Variants in SH2D4A observed in about 807,000 individuals in gnomAD.
The protein encoded by SH2D4A is SH2 domain containing 4A.
Under a neutral mutation model 64.7 loss-of-function variants are expected in SH2D4A, and 70 were observed. That is an observed-to-expected ratio of 1.08 (90% CI 0.89 to 1.32). SH2D4A has a LOEUF of 1.32. Ranked by LOEUF, SH2D4A falls within the 40% of genes most tolerant of loss-of-function variation. SH2D4A has a pLI of 0.00. For missense variants in SH2D4A, 706 were observed against 540.1 expected, an observed-to-expected ratio of 1.31 and a Z score of -3.04; for synonymous variants, 268 against 200.7, an observed-to-expected ratio of 1.34 and a Z score of -2.83.
At chr8:19,371,520 GGTTTGATTATAA>G (rs2053095582) in intron 7 of SH2D4A, among the ~76,000 whole-genome samples, 2 of 152,030 alleles carry the variant, frequency 1.3e-5, no homozygotes, top group African/African-American at 4.8e-5. Flanking sequence ...GCACTCTGAG[GGTTTGATTATAA>G]TATGTCTTGG....
intron 2 of SH2D4A, among the ~76,000 whole-genome samples, chr8:19,322,817 AGCACCT>A (rs2052214679): frequency 1.3e-5 from 2 of 151,632 alleles, no homozygotes; most frequent in African/African-American, 4.8e-5. Context: ...TGGGATTATA[AGCACCT>A]GCTACCATGC....
chr8:19,373,513 A>G lies in SH2D4A; in HGVS notation c.918-17A>G. ...AAATTAGTTAAATCTAACTTGAAAA[A>G]CTTTTATAAATAACAGAAATCAGGG... On this transcript the variant is annotated splice_polypyrimidine_tract_variant and intron_variant, in intron 7 of 9. Transcript: ENST00000265807. The G allele has an allele frequency of 6.4e-7, 1 of 1,560,044 alleles. No individual in the cohort carries two copies. The highest frequency in any genetic ancestry group is 8.7e-7 in the Non-Finnish European group (1 of 1,153,954).
intron 8 of SH2D4A, among the ~76,000 whole-genome samples, chr8:19,383,947 G>A (rs893666241): frequency 1.3e-5 from 2 of 152,174 alleles, no homozygotes; most frequent in Non-Finnish European, 2.9e-5. Flanking sequence ...TTTTTATAAA[G>A]TAAATCAGCT....
intron 4 of SH2D4A, among the ~76,000 whole-genome samples, chr8:19,343,646 G>A (rs2052564320): frequency 6.6e-6 from 1 of 152,186 alleles, no homozygotes; most frequent in Non-Finnish European, 1.5e-5. Context: ...CTACCCAGGG[G>A]CTGCACACTT....
intron 4 of SH2D4A, among the ~76,000 whole-genome samples, chr8:19,353,937 A>G (rs2052749572): frequency 6.6e-6 from 1 of 151,736 alleles, no homozygotes; most frequent in African/African-American, 2.4e-5. Flanking sequence ...TTTTAGACAC[A>G]TTGAATAGAA....
intron 6 of SH2D4A, among the ~76,000 whole-genome samples, chr8:19,361,917 C>G (rs1382732478): frequency 1.3e-5 from 2 of 152,124 alleles, no homozygotes; most frequent in African/African-American, 4.8e-5. Context: ...TGTGACCCAG[C>G]CTTGACTCCT....
chr8:19,332,862 C>G, intron 2 of SH2D4A, 93 bp from the exon 3 acceptor site: 1 of 1,251,816 alleles, frequency 8.0e-7, no homozygotes, highest in South Asian at 1.5e-5. Context: ...TATATATTTT[C>G]AAAGACCCAA....
rs1028629115 is a variant in SH2D4A at position 19,373,537 on chromosome 8, G to A, written c.925G>A (p.Gly309Arg). The A allele has an allele frequency of 1.7e-5, 27 of 1,580,084 alleles. No individual in the cohort carries two copies. The highest frequency in any genetic ancestry group is 2.3e-5 in the Non-Finnish European group (27 of 1,163,340). The change falls in exon 8 of 10, where the codon GGA (glycine) becomes AGA (arginine). Residue 309 changes from glycine (G) to arginine (R), a missense_variant. Coordinates refer to ENST00000265807, the MANE Select transcript of SH2D4A (RefSeq NM_022071.4). ...AYPQKPLRNQ[G>R]VVRTLSSSAQ... ...AACTTTTATAAATAACAGAAATCAG[G>A]GAGTGGTGAGGACACTGTCCAGCTC...
intron 4 of SH2D4A, among the ~76,000 whole-genome samples, chr8:19,350,736 G>C (rs112164813): frequency 4.6e-5 from 7 of 152,242 alleles, no homozygotes; most frequent in African/African-American, 1.4e-4. Flanking sequence ...TTCTGACTGG[G>C]CCTCCCAAAG....
intron 2 of SH2D4A, among the ~76,000 whole-genome samples, chr8:19,330,981 A>T (rs2052357537): frequency 6.6e-6 from 1 of 152,136 alleles, no homozygotes; most frequent in South Asian, 2.1e-4. Context: ...GCATGGTGGG[A>T]TTGACCTTCC....
chr8:19,388,016 C>G (rs112008685), intron 8 of SH2D4A, among the ~76,000 whole-genome samples: 2,743 of 150,496 alleles, frequency 0.018, 95 homozygotes, highest in African/African-American at 0.067. Flanking sequence ...GTCCATGATG[C>G]ACTGTCCCCA....
At position 19,333,042 on chromosome 8, in the gene SH2D4A, A is replaced by T. The variant is rs751560241; in HGVS notation, c.269A>T (p.Tyr90Phe). 2.5e-6 allele frequency: 4 copies of T among 1,614,092 alleles called. No homozygotes were observed. In the South Asian group the frequency reaches 3.3e-5, roughly 13 times the overall value. Reference sequence around the variant, plus strand: ...GGCGAACACCATCTAGATAAACCCTATGATGTGCTCTGTAATGAAATTATT... The same window carrying T: ...GGCGAACACCATCTAGATAAACCCTTTGATGTGCTCTGTAATGAAATTATT... ...VMGEHHLDKP[Y>F]DVLCNEIIAE... The change falls in exon 3 of 10, where the codon TAT becomes TTT. Residue 90 changes from tyrosine (Y) to phenylalanine (F), a missense_variant. By Grantham distance (22) the Tyr-to-Phe change is conservative. Coordinates refer to ENST00000265807, the MANE Select transcript of SH2D4A (RefSeq NM_022071.4).
At chr8:19,325,194 T>A (rs1206199211) in intron 2 of SH2D4A, among the ~76,000 whole-genome samples, 3 of 152,160 alleles carry the variant, frequency 2.0e-5, no homozygotes, top group African/African-American at 7.2e-5. Context: ...TCCCTGACCC[T>A]CACTCACCCA....
At chr8:19,356,935 A>G (rs2052800868) in intron 4 of SH2D4A, among the ~76,000 whole-genome samples, 2 of 152,330 alleles carry the variant, frequency 1.3e-5, no homozygotes, top group Admixed American at 1.3e-4. Context: ...GGCCAACTAA[A>G]TGGGAGCAAA....
At chr8:19,366,258 A>G (rs1396508109) in intron 7 of SH2D4A, among the ~76,000 whole-genome samples, 1 of 152,198 alleles carries the variant, frequency 6.6e-6, no homozygotes, top group Non-Finnish European at 1.5e-5. Context: ...AAATCAGTAT[A>G]ACTCACATAT....
At chr8:19,341,886 A>G (rs896927376) in intron 4 of SH2D4A, among the ~76,000 whole-genome samples, 2 of 150,736 alleles carry the variant, frequency 1.3e-5, no homozygotes. Context: ...ACTGTGCCCC[A>G]TTTTCTAAAA....
intron 8 of SH2D4A, among the ~76,000 whole-genome samples, chr8:19,388,315 C>T (rs925574121): frequency 1.3e-5 from 2 of 152,226 alleles, no homozygotes; most frequent in Non-Finnish European, 2.9e-5. Flanking sequence ...ATAATATCAG[C>T]TCTGCTTTTT....
At chr8:19,330,974 T>C (rs139368428) in intron 2 of SH2D4A, among the ~76,000 whole-genome samples, 43 of 152,276 alleles carry the variant, frequency 2.8e-4, no homozygotes, top group African/African-American at 1.0e-3. Flanking sequence ...CATTTGGGCA[T>C]GGTGGGATTG....
At chr8:19,337,596 G>A (rs2052463351) in intron 4 of SH2D4A, among the ~76,000 whole-genome samples, 1 of 152,178 alleles carries the variant, frequency 6.6e-6, no homozygotes, top group Non-Finnish European at 1.5e-5. Context: ...ACATACCCAA[G>A]ATTGGGCAGT....
Sources: allele counts gnomAD v4.1 joint callset (sites outside exome capture counted in the v4.1 genomes callset), GRCh38; gene constraint gnomAD v4.1.1; transcripts MANE v1.5; gene names NCBI Gene and HGNC (gene_info 2026-07-23, HGNC 2026-07-21).